Variants in EPS15 observed in about 807,000 individuals in gnomAD.
EPS15 encodes the protein epidermal growth factor receptor pathway substrate 15.
Under a neutral mutation model 113.8 loss-of-function variants are expected in EPS15, and 72 were observed. That is an observed-to-expected ratio of 0.63 (90% confidence interval 0.52 to 0.77). The LOEUF is 0.77. EPS15 is among the 30% of genes least tolerant of loss of function. The pLI is 0.00. For missense variants in EPS15, 1,048 were observed against 1,045.8 expected (o/e 1.00, Z -0.03); for synonymous variants, 344 against 363.4 (o/e 0.95, Z 0.61).
At chr1:51,386,662 C>T (rs953125050) in intron 21 of EPS15, among the ~76,000 whole-genome samples, 5 of 151,998 alleles carry the variant, frequency 3.3e-5, no homozygotes, top group East Asian at 1.9e-4. Flanking sequence ...TCGAGAACTA[C>T]GTGAAGAATG....
chr1:51,357,386 AAAAAAAT>A (rs1356740037), intron 24 of EPS15, among the ~76,000 whole-genome samples: 3 of 55,614 alleles, frequency 5.4e-5, no homozygotes, highest in African/African-American at 9.1e-5. Context: ...GAAAAAAAAA[AAAAAAAT>A]ATATATATAT....
chr1:51,361,033 G>T (rs977527648), intron 24 of EPS15, 138 bp downstream of exon 24: 7 of 667,234 alleles, frequency 1.0e-5, no homozygotes, highest in Non-Finnish European at 1.8e-5. Context: ...CAGAGGTTTT[G>T]CTTGGGGGAA....
At chr1:51,451,490 C>CAAAAAAAAAAAAAAAA (rs56091976) in intron 8 of EPS15, among the ~76,000 whole-genome samples, 2 of 50,810 alleles carry the variant, frequency 3.9e-5, no homozygotes, top group Admixed American at 2.2e-4. Flanking sequence ...GACTCCATCT[C>CAAAAAAAAAAAAAAAA]AAAAAAAAAA....
At chr1:51,455,681 G>C (rs2148492705) in intron 8 of EPS15, among the ~76,000 whole-genome samples, 2 of 152,244 alleles carry the variant, frequency 1.3e-5, no homozygotes, top group South Asian at 4.1e-4. Flanking sequence ...TGGGCCAGAA[G>C]TTAAACTCGG....
At position 51,411,284 on chromosome 1, in the gene EPS15, G is replaced by C. The variant is rs550198582; in HGVS notation, c.1114-1588C>G. 2.0e-4 allele frequency among the ~76,000 whole-genome samples: 31 copies of C among 152,222 alleles called. No individual in the cohort carries two copies. The South Asian group carries it at 6.4e-3, about 32-fold the overall frequency. ...CCCAGGCAGAGCAGGCAGACAAAAA[G>C]GGAAACTCAAAGGCAGTAGCCTTTG... On this transcript the variant is annotated intron_variant, in intron 13 of 24. Coordinates refer to ENST00000371733, the MANE Select transcript of EPS15 (RefSeq NM_001981.3).
At chr1:51,422,013 T>C in intron 12 of EPS15, 155 bp from the exon 13 acceptor site, 1 of 1,310,164 alleles carries the variant, frequency 7.6e-7, no homozygotes, top group South Asian at 2.5e-5. Flanking sequence ...TTTCAATTAT[T>C]TATGAAATAA....
chr1:51,423,809 T>C (rs1650979478), intron 12 of EPS15: 5 of 780,294 alleles, frequency 6.4e-6, no homozygotes, highest in Middle Eastern at 6.6e-4. Flanking sequence ...GAAGCTCACT[T>C]GGTGAAAATC....
chr1:51,512,091 A>G lies in EPS15; in HGVS notation c.33+7108T>C, dbSNP rs139318501. ...CCTCATTTCTATCCTACTTTTGCACAAAATATTCAGAAGTTCACATTTATG... is the reference window on the plus strand; with the variant it reads ...CCTCATTTCTATCCTACTTTTGCACGAAATATTCAGAAGTTCACATTTATG... On this transcript the variant is annotated intron_variant, in intron 1 of 24. Coordinates refer to ENST00000371733, the MANE Select transcript of EPS15 (RefSeq NM_001981.3). Among the ~76,000 whole-genome samples the G allele has an allele frequency of 9.4e-4, 143 of 152,378 alleles. 1 individual carries two copies. The highest frequency in any genetic ancestry group is 3.4e-3 in the African/African-American group (142 of 41,586).
intron 21 of EPS15, among the ~76,000 whole-genome samples, chr1:51,392,489 C>G (rs1027110929): frequency 2.6e-5 from 4 of 152,144 alleles, no homozygotes; most frequent in African/African-American, 9.7e-5. Context: ...GGAATTTAAG[C>G]AGAAGATCAA....
chr1:51,448,490 T>C (rs536915142), intron 8 of EPS15, among the ~76,000 whole-genome samples: 5 of 151,898 alleles, frequency 3.3e-5, no homozygotes, highest in African/African-American at 1.2e-4. Context: ...GAAAAAAAAG[T>C]CCAATAGAAA....
At chr1:51,519,154 G>T (rs1006456035) in intron 1 of EPS15, 45 bp downstream of exon 1, 8 of 1,380,442 alleles carry the variant, frequency 5.8e-6, no homozygotes, top group Non-Finnish European at 7.7e-6. Flanking sequence ...GGTGGGGGAG[G>T]GGGCACCGGC....
At chr1:51,461,376 C>T (rs1654430194) in intron 7 of EPS15, among the ~76,000 whole-genome samples, 1 of 151,882 alleles carries the variant, frequency 6.6e-6, no homozygotes, top group South Asian at 2.1e-4. Context: ...AAAAAATTAG[C>T]TGGGCATGGT....
Position 51,426,339 on chromosome 1 carries a change from A to G in EPS15, c.1041-4481T>C, listed in dbSNP as rs575192170. On this transcript the variant is annotated intron_variant, in intron 12 of 24. Coordinates refer to ENST00000371733, the MANE Select transcript of EPS15 (RefSeq NM_001981.3). The stretch of plus-strand genomic sequence containing the variant: ...CCAAAGTACCCCACCACACAATCAC[A>G]GAGATTAATTCAAGAATGAGCCTGT... Among the ~76,000 whole-genome samples, 10 of 149,742 alleles carry G rather than the reference A, an allele frequency of 6.7e-5. No individual in the cohort carries two copies. In the South Asian group the frequency reaches 2.2e-3, roughly 32 times the overall value.
chr1:51,480,165 G>A (rs569379119), intron 2 of EPS15, among the ~76,000 whole-genome samples: 1 of 152,270 alleles, frequency 6.6e-6, no homozygotes, highest in African/African-American at 2.4e-5. Context: ...AACCAAAGAG[G>A]CCTATAATGT....
intron 2 of EPS15, among the ~76,000 whole-genome samples, chr1:51,474,406 T>C (rs968812120): frequency 6.6e-6 from 1 of 152,214 alleles, no homozygotes; most frequent in Non-Finnish European, 1.5e-5. Flanking sequence ...TTTCAGACCA[T>C]ATTGGTAGAT....
chr1:51,481,671 C>T (rs1276001663), intron 1 of EPS15, among the ~76,000 whole-genome samples: 1 of 152,150 alleles, frequency 6.6e-6, no homozygotes, highest in Admixed American at 6.5e-5. Flanking sequence ...AGAATTCATC[C>T]TCTACCCAAG....
intron 1 of EPS15, among the ~76,000 whole-genome samples, chr1:51,506,990 T>C (rs1644510215): frequency 6.6e-6 from 1 of 152,210 alleles, no homozygotes; most frequent in South Asian, 2.1e-4. Flanking sequence ...TAAATGGCCC[T>C]TGCAACCAAA....
At chr1:51,498,548 C>T (rs569798499) in intron 1 of EPS15, among the ~76,000 whole-genome samples, 112 of 152,230 alleles carry the variant, frequency 7.4e-4, no homozygotes, top group African/African-American at 2.6e-3. Flanking sequence ...GTTCTAAGCA[C>T]ATTTAGGGTA....
intron 20 of EPS15, among the ~76,000 whole-genome samples, chr1:51,397,533 G>A (rs184637261): frequency 6.6e-6 from 1 of 152,250 alleles, no homozygotes; most frequent in East Asian, 1.9e-4. Context: ...GAGAGGAGAA[G>A]AATTCCAGTA....
Sources: allele counts gnomAD v4.1 joint callset (sites outside exome capture counted in the v4.1 genomes callset), GRCh38; gene constraint gnomAD v4.1.1; transcripts MANE v1.5; gene names NCBI Gene and HGNC (gene_info 2026-07-23, HGNC 2026-07-21).